SLC9A9: variants seen among roughly 807,000 people sequenced by gnomAD.
SLC9A9 encodes the protein sodium/hydrogen exchanger 9.
Under a neutral mutation model 77.8 loss-of-function variants are expected in SLC9A9, and 62 were observed. The observed-to-expected ratio is 0.80, with a 90% confidence interval of 0.65 to 0.98. The LOEUF (loss-of-function observed/expected upper bound fraction) is 0.98. Ranked by LOEUF, SLC9A9 falls within the 50% of genes least tolerant of loss-of-function variation. The probability of loss-of-function intolerance (pLI) is 0.00; values close to 1 mark genes in which losing one functional copy is unlikely to be tolerated. For synonymous variants in SLC9A9, 320 were observed against 283.5 expected (o/e 1.13, Z -1.29); for missense variants, 775 against 774.9 (o/e 1.00, Z 0.00).
intron 2 of SLC9A9, among the ~76,000 whole-genome samples, chr3:143,809,486 A>T (rs1302209289): frequency 6.6e-6 from 1 of 152,226 alleles, no homozygotes; most frequent in African/African-American, 2.4e-5. Flanking sequence ...ACAATTTCTC[A>T]GAAATGGCTG....
chr3:143,607,018 G>A (rs1324133700), intron 6 of SLC9A9, among the ~76,000 whole-genome samples: 1 of 151,554 alleles, frequency 6.6e-6, no homozygotes, highest in African/African-American at 2.4e-5. Flanking sequence ...ATCAACCAGA[G>A]AGAAAAGACA....
chr3:143,414,517 T>C (rs948748873), intron 12 of SLC9A9, among the ~76,000 whole-genome samples: 1 of 152,248 alleles, frequency 6.6e-6, no homozygotes, highest in African/African-American at 2.4e-5. Flanking sequence ...TTTAGAGATA[T>C]TTCAAACATT....
chr3:143,754,247 A>T (rs1474723800), intron 4 of SLC9A9, among the ~76,000 whole-genome samples: 3 of 152,248 alleles, frequency 2.0e-5, no homozygotes, highest in Non-Finnish European at 4.4e-5. Flanking sequence ...GTGTTCTTGC[A>T]GCCATTCTCT....
chr3:143,334,946 C>T (rs1418088042), intron 14 of SLC9A9, among the ~76,000 whole-genome samples: 9 of 142,804 alleles, frequency 6.3e-5, no homozygotes, highest in Admixed American at 2.1e-4. Flanking sequence ...GAAGTCCTAG[C>T]CAGAGATAAT....
intron 9 of SLC9A9, chr3:143,518,050 A>T: frequency 6.8e-7 from 1 of 1,476,008 alleles, no homozygotes; most frequent in South Asian, 1.1e-5. Flanking sequence ...TCTTACTGTC[A>T]GGTTTTTCTT....
chr3:143,778,300 T>G (rs1190243593), intron 4 of SLC9A9, among the ~76,000 whole-genome samples: 1 of 152,184 alleles, frequency 6.6e-6, no homozygotes, highest in Non-Finnish European at 1.5e-5. Context: ...AACAAAACTT[T>G]GATGTATGCT....
intron 12 of SLC9A9, among the ~76,000 whole-genome samples, chr3:143,444,217 G>C (rs2034802685): frequency 6.6e-6 from 1 of 152,316 alleles, no homozygotes; most frequent in Non-Finnish European, 1.5e-5. Context: ...CTACGAAATT[G>C]TTTGGTCCTA....
chr3:143,334,797 G>T (rs747466600), intron 14 of SLC9A9, among the ~76,000 whole-genome samples: 7 of 152,090 alleles, frequency 4.6e-5, no homozygotes, highest in African/African-American at 1.7e-4. Flanking sequence ...AACTCATAAA[G>T]ATATGCCAAG....
chr3:143,803,230 T>A (rs1400257726), intron 2 of SLC9A9, among the ~76,000 whole-genome samples: 1 of 152,170 alleles, frequency 6.6e-6, no homozygotes, highest in Non-Finnish European at 1.5e-5. Context: ...AAGTCACAAG[T>A]ACTCTCCCCT....
chr3:143,742,320 A>G (rs1935092969), intron 4 of SLC9A9, among the ~76,000 whole-genome samples: 1 of 152,164 alleles, frequency 6.6e-6, no homozygotes, highest in African/African-American at 2.4e-5. Context: ...ATGCTCAGGG[A>G]GACTGATCTG....
intron 12 of SLC9A9, among the ~76,000 whole-genome samples, chr3:143,407,193 T>A (rs935030661): frequency 2.0e-5 from 3 of 152,172 alleles, no homozygotes; most frequent in Non-Finnish European, 4.4e-5. Flanking sequence ...CAGAACACAA[T>A]TGAGAATTCA....
chr3:143,279,070 A>C (rs1340299276), intron 14 of SLC9A9, among the ~76,000 whole-genome samples: 1 of 152,180 alleles, frequency 6.6e-6, no homozygotes, highest in East Asian at 1.9e-4. Context: ...GTGTCCCTTG[A>C]GTTACAGGTT....
chr3:143,338,132 C>T (rs531730832), intron 14 of SLC9A9, among the ~76,000 whole-genome samples: 7 of 152,252 alleles, frequency 4.6e-5, no homozygotes, highest in Admixed American at 2.6e-4. Flanking sequence ...AAACTGGCTC[C>T]GTTATCACAG....
chr3:143,432,785 A>ATG lies in SLC9A9; in HGVS notation c.1469+34251_1469+34252insCA, dbSNP rs1576493526. ...TCGGACTACAGGTATATACCCCCAC[A>ATG]CCCGGCTAATTTTTGTATTTTTAGT... On this transcript the variant is annotated intron_variant, in intron 12 of 15. Coordinates refer to ENST00000316549, the MANE Select transcript of SLC9A9 (RefSeq NM_173653.4). 5.3e-5 allele frequency among the ~76,000 whole-genome samples: 8 copies of ATG among 152,046 alleles called. No individual in the cohort carries two copies. The East Asian group carries it at 1.6e-3, about 30-fold the overall frequency.
chr3:143,268,254 T>C, intron 15 of SLC9A9, among the ~76,000 whole-genome samples: 1 of 152,194 alleles, frequency 6.6e-6, no homozygotes, highest in Non-Finnish European at 1.5e-5. Context: ...CCTTGAGCCA[T>C]AAATCACAGG....
At chr3:143,587,121 T>C (rs759782541) in intron 6 of SLC9A9, among the ~76,000 whole-genome samples, 43 of 152,288 alleles carry the variant, frequency 2.8e-4, no homozygotes, top group Admixed American at 3.3e-4. Context: ...AAGGATAAGC[T>C]AGTGTATCAT....
intron 14 of SLC9A9, among the ~76,000 whole-genome samples, chr3:143,270,577 C>G (rs61683009): frequency 6.6e-6 from 1 of 151,820 alleles, no homozygotes; most frequent in Non-Finnish European, 1.5e-5. Context: ...GATATATGTA[C>G]AACTGGAGTA....
intron 4 of SLC9A9, among the ~76,000 whole-genome samples, chr3:143,761,652 T>C (rs1468379785): frequency 2.6e-5 from 4 of 152,066 alleles, no homozygotes; most frequent in Non-Finnish European, 4.4e-5. Flanking sequence ...TACCATCTCA[T>C]ACCAGTTAGA....
chr3:143,394,851 G>T (rs1234497764), intron 12 of SLC9A9, among the ~76,000 whole-genome samples: 2 of 152,170 alleles, frequency 1.3e-5, no homozygotes, highest in African/African-American at 2.4e-5. Context: ...ATTCACAATT[G>T]CTTCAAAGAG....
Sources: allele counts gnomAD v4.1 joint callset (sites outside exome capture counted in the v4.1 genomes callset), GRCh38; gene constraint gnomAD v4.1.1; transcripts MANE v1.5; gene names NCBI Gene and HGNC (gene_info 2026-07-23, HGNC 2026-07-21).